DIAPH2: variants seen among roughly 807,000 people sequenced by gnomAD.
The protein encoded by DIAPH2 is protein diaphanous homolog 2.
Under a neutral mutation model 92.7 loss-of-function variants are expected in DIAPH2, and 35 were observed. The observed-to-expected ratio is 0.38, with a 90% CI of 0.29 to 0.50. The LOEUF (loss-of-function observed/expected upper bound fraction) is 0.50. Among genes scored for constraint, DIAPH2 ranks in the 20% least tolerant of loss-of-function variants. DIAPH2 has a pLI of 0.94. For missense variants in DIAPH2, 701 were observed against 819.5 expected (o/e 0.86, Z 1.77); for synonymous variants, 301 against 280.4 (o/e 1.07, Z -0.73).
At chrX:97,479,760 A>AT (rs1039317203) in intron 26 of DIAPH2, among the ~76,000 whole-genome samples, 6 of 109,289 alleles carry the variant, frequency 5.5e-5, no homozygotes, top group South Asian at 3.9e-4. Flanking sequence ...TTTTTTTATC[A>AT]TTTTTTTTAT....
chrX:97,269,500 C>T (rs781330348), intron 23 of DIAPH2, among the ~76,000 whole-genome samples: 1 of 111,897 alleles, frequency 8.9e-6, no homozygotes, highest in Non-Finnish European at 1.9e-5. Context: ...AGACAATGTT[C>T]TAAATGTCTT....
intron 26 of DIAPH2, among the ~76,000 whole-genome samples, chrX:97,556,867 A>G (rs1480062721): frequency 8.9e-6 from 1 of 111,793 alleles, no homozygotes; most frequent in African/African-American, 3.3e-5. Flanking sequence ...GTAGACATAA[A>G]TATACAATTA....
chrX:97,585,120 G>C (rs1376388230), intron 26 of DIAPH2, among the ~76,000 whole-genome samples: 3 of 111,599 alleles, frequency 2.7e-5, no homozygotes, highest in African/African-American at 9.8e-5. Context: ...TCAGTGATCA[G>C]TACACTAGTC....
intron 4 of DIAPH2, among the ~76,000 whole-genome samples, chrX:96,789,577 T>C (rs2064484419): frequency 8.9e-6 from 1 of 112,262 alleles, no homozygotes; most frequent in South Asian, 3.7e-4. Context: ...GGAAACTGTA[T>C]GGCATTTCTT....
intron 13 of DIAPH2, among the ~76,000 whole-genome samples, chrX:96,944,157 A>G (rs923736327): frequency 4.5e-5 from 5 of 111,846 alleles, no homozygotes; most frequent in South Asian, 7.4e-4. Context: ...TAATTTAACA[A>G]TTCTTTGAGT....
chrX:97,072,859 T>C (rs2147911875), intron 17 of DIAPH2, 82 bp from the exon 18 acceptor site: 2 of 515,847 alleles, frequency 3.9e-6, no homozygotes, highest in Middle Eastern at 5.1e-4. Flanking sequence ...TTTATTAATG[T>C]AGTTAATATG....
chrX:97,274,198 C>A, intron 23 of DIAPH2, among the ~76,000 whole-genome samples: 1 of 110,888 alleles, frequency 9.0e-6, no homozygotes, highest in Non-Finnish European at 1.9e-5. Flanking sequence ...TGGATAAGTA[C>A]AACTTGTTTT....
intron 24 of DIAPH2, among the ~76,000 whole-genome samples, chrX:97,376,842 C>T (rs754300371): frequency 6.3e-5 from 7 of 111,997 alleles, no homozygotes; most frequent in Non-Finnish European, 1.3e-4. Context: ...GCCTGTTGTT[C>T]GTCGACTACA....
intron 22 of DIAPH2, among the ~76,000 whole-genome samples, chrX:97,241,432 G>A (rs1354982386): frequency 1.8e-5 from 2 of 110,595 alleles, no homozygotes; most frequent in East Asian, 5.8e-4. Flanking sequence ...CGAGTAGCTG[G>A]GACTACAGGT....
intron 17 of DIAPH2, among the ~76,000 whole-genome samples, chrX:96,968,412 T>G (rs2147828631): frequency 9.1e-6 from 1 of 109,599 alleles, no homozygotes; most frequent in East Asian, 2.9e-4. Context: ...AGAGACGAGT[T>G]TTCACCATGT....
intron 21 of DIAPH2, among the ~76,000 whole-genome samples, chrX:97,134,201 C>T (rs201770767): frequency 9.0e-6 from 1 of 111,713 alleles, no homozygotes; most frequent in African/African-American, 3.3e-5. Context: ...TACTGTTTGT[C>T]TCATCTACTT....
chrX:97,418,848 C>T (rs2147767982), intron 25 of DIAPH2, among the ~76,000 whole-genome samples: 1 of 111,847 alleles, frequency 8.9e-6, no homozygotes, highest in South Asian at 3.8e-4. Flanking sequence ...TTTATGGGCT[C>T]TAAAATGTAA....
intron 26 of DIAPH2, chrX:97,449,649 A>G: frequency 8.0e-6 from 6 of 748,943 alleles, no homozygotes; most frequent in Non-Finnish European, 9.4e-6. Context: ...AACAATTCCT[A>G]TTATAATCCC....
At chrX:96,685,415 C>T (rs915030403) in intron 1 of DIAPH2, among the ~76,000 whole-genome samples, 3 of 112,450 alleles carry the variant, frequency 2.7e-5, no homozygotes, top group Non-Finnish European at 5.6e-5. Context: ...TCTTGTCAGC[C>T]CGGGAGGCGG....
At chrX:97,268,010 G>A (rs2068352082) in intron 23 of DIAPH2, among the ~76,000 whole-genome samples, 1 of 112,032 alleles carries the variant, frequency 8.9e-6, no homozygotes. Context: ...AGGCACTTGG[G>A]TGTCATTTAG....
chrX:97,578,134 T>C (rs1345142186), intron 26 of DIAPH2, among the ~76,000 whole-genome samples: 2 of 108,284 alleles, frequency 1.8e-5, no homozygotes, highest in African/African-American at 6.7e-5. Context: ...TGTTGCAGTT[T>C]ATTGGCACTG....
At chrX:97,518,671 G>A (rs182688762) in intron 26 of DIAPH2, among the ~76,000 whole-genome samples, 1 of 110,723 alleles carries the variant, frequency 9.0e-6, no homozygotes, top group Non-Finnish European at 1.9e-5. Context: ...ATTAGATTCT[G>A]TGTATTAGAG....
chrX:97,093,045 A>G (rs186775582), intron 19 of DIAPH2, among the ~76,000 whole-genome samples: 33,866 of 107,594 alleles, frequency 0.31, 5,023 homozygotes, highest in South Asian at 0.52. Context: ...AAAATCAGCC[A>G]GGCCTGGTGG....
chrX:96,695,651 G>T (rs2063821573), intron 1 of DIAPH2, among the ~76,000 whole-genome samples: 1 of 111,829 alleles, frequency 8.9e-6, no homozygotes, highest in African/African-American at 3.3e-5. Context: ...GCTAATTGTA[G>T]ATCAAGATAT....
Sources: allele counts gnomAD v4.1 joint callset (sites outside exome capture counted in the v4.1 genomes callset), GRCh38; gene constraint gnomAD v4.1.1; transcripts MANE v1.5; gene names NCBI Gene and HGNC (gene_info 2026-07-23, HGNC 2026-07-21).